KCNIP4: variants seen among roughly 807,000 people sequenced by gnomAD.
KCNIP4 encodes potassium voltage-gated channel interacting protein 4.
KCNIP4 carries 12 observed loss-of-function variants against 34.0 expected under a neutral mutation model. The ratio of observed to expected loss-of-function variants is 0.35; its 90% CI spans 0.23 to 0.57. KCNIP4 has a LOEUF of 0.57. Ranked by LOEUF, KCNIP4 falls within the 20% of genes least tolerant of loss-of-function variation. KCNIP4 has a pLI of 0.83. For synonymous variants in KCNIP4, 124 were observed against 102.2 expected (o/e 1.21, Z -1.29); for missense variants, 238 against 311.7 (o/e 0.76, Z 1.78).
chr4:21,395,126 C>T (rs980852069), intron 1 of KCNIP4, among the ~76,000 whole-genome samples: 3 of 152,082 alleles, frequency 2.0e-5, no homozygotes, highest in Non-Finnish European at 2.9e-5. Context: ...ATTTGAAATT[C>T]GACAAATGCA....
At chr4:21,427,996 C>T (rs972596866) in intron 1 of KCNIP4, among the ~76,000 whole-genome samples, 1 of 152,004 alleles carries the variant, frequency 6.6e-6, no homozygotes, top group Non-Finnish European at 1.5e-5. Context: ...ATGTTTTAAA[C>T]ATAAATTAAG....
intron 1 of KCNIP4, among the ~76,000 whole-genome samples, chr4:21,805,563 T>G (rs1382901036): frequency 6.6e-6 from 1 of 152,148 alleles, no homozygotes; most frequent in African/African-American, 2.4e-5. Context: ...CGGGTATATC[T>G]TTATCAGCAG....
At chr4:21,316,654 A>G (rs568998688) in intron 1 of KCNIP4, among the ~76,000 whole-genome samples, 1 of 152,330 alleles carries the variant, frequency 6.6e-6, no homozygotes, top group African/African-American at 2.4e-5. Context: ...GTTGAGAGTC[A>G]GTCTGATAGC....
At chr4:21,087,041 A>G (rs1404800418) in intron 1 of KCNIP4, among the ~76,000 whole-genome samples, 2 of 142,804 alleles carry the variant, frequency 1.4e-5, no homozygotes, top group Non-Finnish European at 3.0e-5. Flanking sequence ...GTGCAGTGGC[A>G]CGATCTCGGC....
At chr4:21,924,481 T>C (rs1013527110) in intron 1 of KCNIP4, among the ~76,000 whole-genome samples, 5 of 152,108 alleles carry the variant, frequency 3.3e-5, no homozygotes, top group African/African-American at 1.2e-4. Flanking sequence ...GCTGACCTCA[T>C]GATCTGTCCG....
At chr4:20,904,346 T>C (rs1329740526) in intron 1 of KCNIP4, among the ~76,000 whole-genome samples, 1 of 149,006 alleles carries the variant, frequency 6.7e-6, no homozygotes, top group South Asian at 2.1e-4. Flanking sequence ...TATATATATA[T>C]ATACAGATAT....
intron 1 of KCNIP4, among the ~76,000 whole-genome samples, chr4:21,620,685 C>T (rs1207048651): frequency 6.6e-6 from 1 of 152,144 alleles, no homozygotes. Context: ...ACAATCAGCC[C>T]TAGCTAAGTT....
At chr4:21,445,801 C>A (rs576892363) in intron 1 of KCNIP4, among the ~76,000 whole-genome samples, 45 of 152,228 alleles carry the variant, frequency 3.0e-4, no homozygotes, top group African/African-American at 1.0e-3. Context: ...AGAGCTTCTG[C>A]ACAGCAAAAG....
intron 3 of KCNIP4, among the ~76,000 whole-genome samples, chr4:20,770,157 AAC>A (rs1241375328): frequency 6.6e-6 from 1 of 152,174 alleles, no homozygotes; most frequent in African/African-American, 2.4e-5. Context: ...TTTGTTTAAC[AAC>A]AGTCTTTTTT....
chr4:21,415,923 A>C (rs895889932), intron 1 of KCNIP4, among the ~76,000 whole-genome samples: 2 of 152,142 alleles, frequency 1.3e-5, no homozygotes, highest in Non-Finnish European at 2.9e-5. Flanking sequence ...AATATCAGAG[A>C]GATAAAGCAG....
intron 1 of KCNIP4, among the ~76,000 whole-genome samples, chr4:21,707,866 G>A (rs1236168421): frequency 6.6e-6 from 1 of 151,066 alleles, no homozygotes; most frequent in African/African-American, 2.4e-5. Flanking sequence ...AAGAAAAAAG[G>A]ATGAGACGTG....
intron 1 of KCNIP4, among the ~76,000 whole-genome samples, chr4:20,917,693 C>T (rs1362118902): frequency 6.6e-6 from 1 of 152,126 alleles, no homozygotes; most frequent in African/African-American, 2.4e-5. Context: ...GAGTAGGTTA[C>T]TCTTGAGAAA....
intron 1 of KCNIP4, among the ~76,000 whole-genome samples, chr4:20,926,113 A>T (rs1464052339): frequency 6.6e-6 from 1 of 152,216 alleles, no homozygotes; most frequent in Non-Finnish European, 1.5e-5. Flanking sequence ...CCCTTATCAG[A>T]CAGCAAATAA....
At chr4:21,841,395 G>C (rs1250667125) in intron 1 of KCNIP4, among the ~76,000 whole-genome samples, 1 of 152,058 alleles carries the variant, frequency 6.6e-6, no homozygotes, top group Non-Finnish European at 1.5e-5. Context: ...TCGTTTATTT[G>C]ACCAACCCAT....
chr4:21,443,899 G>A (rs1014500711), intron 1 of KCNIP4, among the ~76,000 whole-genome samples: 6 of 152,000 alleles, frequency 3.9e-5, no homozygotes, highest in African/African-American at 1.2e-4. Context: ...CACTGCACTC[G>A]AGCCTGGAAT....
At chr4:21,211,549 C>A (rs1426363161) in intron 1 of KCNIP4, among the ~76,000 whole-genome samples, 1 of 152,114 alleles carries the variant, frequency 6.6e-6, no homozygotes, top group African/African-American at 2.4e-5. Context: ...ATTCCAAAAC[C>A]ATCCCTCCAC....
chr4:20,912,065 T>C (rs1292077146), intron 1 of KCNIP4, among the ~76,000 whole-genome samples: 7 of 152,236 alleles, frequency 4.6e-5, no homozygotes, highest in African/African-American at 1.7e-4. Flanking sequence ...TTTTTTGCCA[T>C]ATACTTCCCC....
chr4:21,381,370 GAC>G (rs558064122), intron 1 of KCNIP4, among the ~76,000 whole-genome samples: 54 of 152,272 alleles, frequency 3.5e-4, no homozygotes, highest in African/African-American at 1.2e-3. Flanking sequence ...GATTAGCAAT[GAC>G]ACATTCTATT....
intron 1 of KCNIP4, chr4:21,697,512 G>A (rs1712470083): frequency 6.7e-7 from 1 of 1,485,132 alleles, no homozygotes. Context: ...AATAAAAAGA[G>A]AGTCTCTGAG....
Sources: allele counts gnomAD v4.1 joint callset (sites outside exome capture counted in the v4.1 genomes callset), GRCh38; gene constraint gnomAD v4.1.1; transcripts MANE v1.5; gene names NCBI Gene and HGNC (gene_info 2026-07-23, HGNC 2026-07-21).